MRTFA: variants seen among roughly 807,000 people sequenced by gnomAD.
MRTFA encodes the protein myocardin related transcription factor A, also known as myocardin-related transcription factor A.
A neutral mutation model predicts 83.5 loss-of-function variants in MRTFA; 20 were observed. That is an observed-to-expected ratio of 0.24 (90% CI 0.17 to 0.35). The LOEUF (loss-of-function observed/expected upper bound fraction) is 0.35, where lower values mean the gene tolerates loss of function less well. MRTFA is among the 10% of genes least tolerant of loss of function. MRTFA has a pLI of 1.00. For synonymous variants in MRTFA, 659 were observed against 541.2 expected (o/e 1.22, Z -3.02); for missense variants, 1,200 against 1,224.7 (o/e 0.98, Z 0.30).
intron 3 of MRTFA, among the ~76,000 whole-genome samples, chr22:40,535,875 G>C (rs2055162994): frequency 1.3e-5 from 2 of 152,180 alleles, no homozygotes; most frequent in East Asian, 3.8e-4. Context: ...AGGAGATATT[G>C]AGAGTCATGT....
intron 1 of MRTFA, among the ~76,000 whole-genome samples, chr22:40,627,993 A>G (rs1324024586): frequency 1.3e-5 from 2 of 152,158 alleles, no homozygotes; most frequent in Admixed American, 6.5e-5. Context: ...AAGCAAAACA[A>G]CAACAAAAAT....
chr22:40,463,677 A>C (rs2053757780), intron 3 of MRTFA, among the ~76,000 whole-genome samples: 1 of 151,908 alleles, frequency 6.6e-6, no homozygotes, highest in African/African-American at 2.4e-5. Flanking sequence ...ACGCTTAACA[A>C]ATGTTTACCA....
At chr22:40,461,946 T>C (rs1219202784) in intron 4 of MRTFA, among the ~76,000 whole-genome samples, 2 of 152,174 alleles carry the variant, frequency 1.3e-5, no homozygotes, top group African/African-American at 4.8e-5. Flanking sequence ...CTTGATGATC[T>C]CCAAACACAC....
chr22:40,588,226 A>C (rs1465712764), intron 2 of MRTFA, among the ~76,000 whole-genome samples: 4 of 152,026 alleles, frequency 2.6e-5, no homozygotes, highest in Admixed American at 2.6e-4. Flanking sequence ...ATGAGGTTTC[A>C]CCATGTTGGT....
chr22:40,435,404 T>C lies in MRTFA; in HGVS notation c.363+95A>G. 2.1e-5 allele frequency: 29 copies of C among 1,369,042 alleles called. 1 individual carries two copies. In the South Asian group the frequency reaches 3.4e-4, roughly 16 times the overall value. The allele number at this position is 1,369,042 out of a possible 1,614,324, so 84.8% of individuals were successfully genotyped here. ...AGTCTAGCAGGCTCTGGCCTCAGAG[T>C]TCTATGGAAAGCTCTAAATGGAAAT... On this transcript the variant is annotated intron_variant, in intron 5 of 14. Transcript: ENST00000355630.
At chr22:40,615,186 T>C (rs2056434509) in intron 1 of MRTFA, among the ~76,000 whole-genome samples, 1 of 152,248 alleles carries the variant, frequency 6.6e-6, no homozygotes, top group Non-Finnish European at 1.5e-5. Context: ...GAGACTGGGA[T>C]TGAGGTTCAT....
At chr22:40,525,769 T>C (rs1448289426) in intron 3 of MRTFA, among the ~76,000 whole-genome samples, 3 of 152,090 alleles carry the variant, frequency 2.0e-5, no homozygotes, top group Non-Finnish European at 4.4e-5. Flanking sequence ...AATATCCTAA[T>C]GATTTTGCTA....
At chr22:40,459,271 G>T (rs1038922442) in intron 4 of MRTFA, among the ~76,000 whole-genome samples, 1 of 147,220 alleles carries the variant, frequency 6.8e-6, no homozygotes, top group African/African-American at 2.5e-5. Flanking sequence ...AAAGAGCCTC[G>T]TTTTTGGGAA....
chr22:40,510,611 T>G (rs976185715), intron 3 of MRTFA, among the ~76,000 whole-genome samples: 6 of 152,100 alleles, frequency 3.9e-5, no homozygotes, highest in African/African-American at 1.4e-4. Context: ...ATTATGTACC[T>G]GCTATGTGTT....
chr22:40,413,611 T>G (rs1441463679), intron 14 of MRTFA, among the ~76,000 whole-genome samples: 1 of 151,846 alleles, frequency 6.6e-6, no homozygotes, highest in Non-Finnish European at 1.5e-5. Context: ...CCGGATAAAT[T>G]TTTTGTATTT....
chr22:40,476,079 G>A (rs2053990657), intron 3 of MRTFA, among the ~76,000 whole-genome samples: 2 of 151,054 alleles, frequency 1.3e-5, no homozygotes, highest in Non-Finnish European at 2.9e-5. Context: ...GGGAGGCGGA[G>A]CTTGCAGTGA....
At chr22:40,454,585 T>C (rs2053550349) in intron 4 of MRTFA, among the ~76,000 whole-genome samples, 1 of 152,192 alleles carries the variant, frequency 6.6e-6, no homozygotes, top group African/African-American at 2.4e-5. Context: ...CAATACATCA[T>C]CTCATTTGAT....
chr22:40,546,464 A>AC (rs1438227223), intron 3 of MRTFA, among the ~76,000 whole-genome samples: 5 of 152,232 alleles, frequency 3.3e-5, no homozygotes, highest in African/African-American at 1.2e-4. Flanking sequence ...GGGAGAAGCC[A>AC]ACCATGTCAA....
chr22:40,472,188 T>C (rs905693187), intron 3 of MRTFA, among the ~76,000 whole-genome samples: 5 of 152,238 alleles, frequency 3.3e-5, no homozygotes, highest in African/African-American at 9.6e-5. Context: ...AGGTTTTTAA[T>C]TGGTCTGGAA....
At chr22:40,612,773 C>G (rs149716546) in intron 1 of MRTFA, among the ~76,000 whole-genome samples, 1 of 152,278 alleles carries the variant, frequency 6.6e-6, no homozygotes, top group African/African-American at 2.4e-5. Flanking sequence ...CATAGTAAGG[C>G]TCTGTCTCTA....
chr22:40,459,450 G>A (rs1450067459), intron 4 of MRTFA, among the ~76,000 whole-genome samples: 1 of 151,906 alleles, frequency 6.6e-6, no homozygotes, highest in Admixed American at 6.6e-5. Context: ...GGTGGATCTT[G>A]GTATATGGGA....
chr22:40,457,483 AAAG>A (rs1433910225), intron 4 of MRTFA, among the ~76,000 whole-genome samples: 2 of 134,380 alleles, frequency 1.5e-5, no homozygotes, highest in African/African-American at 5.0e-5. Flanking sequence ...AGAAAGAAAG[AAAG>A]AAGGAAAGAA....
chr22:40,435,416 C>T, intron 5 of MRTFA, 83 bp downstream of exon 5: 3 of 1,441,796 alleles, frequency 2.1e-6, no homozygotes, highest in Admixed American at 1.7e-5. Flanking sequence ...CTATGGAAAG[C>T]TCTAAATGGA....
intron 13 of MRTFA, 103 bp from the exon 14 acceptor site, chr22:40,417,149 C>T: frequency 1.4e-6 from 2 of 1,418,854 alleles, no homozygotes; most frequent in Non-Finnish European, 1.9e-6. Context: ...AATAAGCAGC[C>T]AGATCCACAG....
Sources: allele counts gnomAD v4.1 joint callset (sites outside exome capture counted in the v4.1 genomes callset), GRCh38; gene constraint gnomAD v4.1.1; transcripts MANE v1.5; gene names NCBI Gene and HGNC (gene_info 2026-07-23, HGNC 2026-07-21).